The following PLSCR2 variants were observed in gnomAD, a reference collection of about 807,000 sequenced individuals.
PLSCR2 encodes the protein phospholipid scramblase 2, also known as PL scramblase 2.
Under a neutral mutation model 25.3 loss-of-function variants are expected in PLSCR2, and 18 were observed. The ratio of observed to expected loss-of-function variants is 0.71; its 90% CI spans 0.49 to 1.06. The LOEUF is 1.06. PLSCR2 is among the 50% of genes least tolerant of loss of function. The probability of loss-of-function intolerance (pLI) is 0.00; values close to 1 mark genes in which losing one functional copy is unlikely to be tolerated. For missense variants in PLSCR2, 243 were observed against 269.5 expected (o/e 0.90, Z 0.69); for synonymous variants, 88 against 87.3 (o/e 1.01, Z -0.04).
downstream of PLSCR2, among the ~76,000 whole-genome samples, chr3:146,432,419 T>C (rs568479333): frequency 7.9e-5 from 12 of 152,242 alleles, no homozygotes; most frequent in Admixed American, 2.0e-4. Context: ...ATTTAGGACT[T>C]GGTGGGCAAA....
rs576812 is a variant in PLSCR2 at position 146,484,732 on chromosome 3, G to A, written c.-293+11163C>T. 1.1e-3 allele frequency among the ~76,000 whole-genome samples: 164 copies of A among 152,136 alleles called. No individual in the cohort carries two copies. In the Middle Eastern group the frequency reaches 0.027, roughly 25 times the overall value. ...GAGAAATAAAATTCCTTTCAGAGAAGCAAATGCTGAGGGCTATCATTTCCA... is the reference window on the plus strand; with the variant it reads ...GAGAAATAAAATTCCTTTCAGAGAAACAAATGCTGAGGGCTATCATTTCCA... On this transcript the variant is annotated intron_variant, in intron 1 of 8. Transcript: ENST00000336685.
chr3:146,424,768 C>A (rs1220824485), intron 2 of PLSCR2, among the ~76,000 whole-genome samples: 1 of 152,032 alleles, frequency 6.6e-6, no homozygotes, highest in Non-Finnish European at 1.5e-5. Context: ...TCCAGCAGAT[C>A]CACACTGTCT....
downstream of PLSCR2, among the ~76,000 whole-genome samples, chr3:146,437,133 A>T (rs1318846499): frequency 6.6e-6 from 1 of 152,024 alleles, no homozygotes; most frequent in African/African-American, 2.4e-5. Context: ...AGCCCACTAG[A>T]TCATGGTGGA....
chr3:146,404,826 G>GGT (rs2108013737), intron 2 of PLSCR2, among the ~76,000 whole-genome samples: 4 of 150,642 alleles, frequency 2.7e-5, no homozygotes, highest in South Asian at 2.1e-4. Context: ...AAAAAAGGGG[G>GGT]GGGGTGGTGG....
At chr3:146,436,004 T>C (rs1206513078) in intron 8 of PLSCR2, among the ~76,000 whole-genome samples, 5 of 152,244 alleles carry the variant, frequency 3.3e-5, no homozygotes, top group Non-Finnish European at 7.3e-5. Flanking sequence ...TAGCCAGTAT[T>C]TCCAGCACCA....
downstream of PLSCR2, among the ~76,000 whole-genome samples, chr3:146,439,074 C>T (rs1219831561): frequency 6.6e-6 from 1 of 152,166 alleles, no homozygotes; most frequent in Non-Finnish European, 1.5e-5. Context: ...GTTGAAAATT[C>T]TTTTCTTTAA....
rs552861332 is a variant in PLSCR2, at chr3:146,469,489, C to T, written c.-292-9205G>A. 7 of 983,736 alleles carry T rather than the reference C, an allele frequency of 7.1e-6. No individual in the cohort carries two copies. In the African/African-American group the frequency reaches 1.0e-4, roughly 15 times the overall value. The allele number at this position is 983,736 out of a possible 1,614,324, so 60.9% of individuals were successfully genotyped here. On this transcript the variant is annotated intron_variant, in intron 1 of 8. Coordinates refer to the PLSCR2 transcript ENST00000336685. ...AGGGAGGCGACTGAGAAAGCCGCCC[C>T]CTTACCCGTGGCTGCAGCTGCTCCC...
At chr3:146,399,873 A>C (rs115945553) in intron 2 of PLSCR2, among the ~76,000 whole-genome samples, 1,523 of 151,512 alleles carry the variant, frequency 0.01, 19 homozygotes, top group African/African-American at 0.025. Context: ...ACCCATTAAA[A>C]GGTAAAGGAA....
At chr3:146,450,429 T>C (rs1033659109) in intron 5 of PLSCR2, among the ~76,000 whole-genome samples, 4 of 152,228 alleles carry the variant, frequency 2.6e-5, no homozygotes, top group Non-Finnish European at 5.9e-5. Flanking sequence ...TTGCTATGGA[T>C]TATTCTTCAT....
intron 1 of PLSCR2, among the ~76,000 whole-genome samples, chr3:146,485,711 T>C (rs950971597): frequency 6.6e-6 from 1 of 152,104 alleles, no homozygotes; most frequent in Non-Finnish European, 1.5e-5. Context: ...CCTGGGTAAA[T>C]GTATTCATCT....
chr3:146,494,269 A>G (rs57403235), intron 1 of PLSCR2, among the ~76,000 whole-genome samples: 4,226 of 152,284 alleles, frequency 0.028, 223 homozygotes, highest in African/African-American at 0.096. Flanking sequence ...TGAAATTAAA[A>G]CAAATAAGAA....
At chr3:146,434,913 C>T (rs1260937740) in intron 8 of PLSCR2, among the ~76,000 whole-genome samples, 1 of 116,310 alleles carries the variant, frequency 8.6e-6, no homozygotes, top group Non-Finnish European at 1.7e-5. Context: ...TAATGCTATC[C>T]CTCCCCCCTC....
intron 1 of PLSCR2, chr3:146,469,034 C>G (rs1228881801): frequency 4.0e-6 from 3 of 740,940 alleles, no homozygotes; most frequent in East Asian, 2.6e-4. Context: ...CCGCCACTAT[C>G]TTTCCTAAGC....
At chr3:146,399,954 G>A (rs2038408802) in intron 2 of PLSCR2, among the ~76,000 whole-genome samples, 1 of 151,754 alleles carries the variant, frequency 6.6e-6, no homozygotes, top group South Asian at 2.1e-4. Flanking sequence ...CATGGAAAAG[G>A]ACAGAACAAG....
At chr3:146,406,255 G>C (rs551499576) in intron 2 of PLSCR2, among the ~76,000 whole-genome samples, 1 of 152,146 alleles carries the variant, frequency 6.6e-6, no homozygotes, top group Admixed American at 6.5e-5. Flanking sequence ...GACAGCTAGC[G>C]TCAGGGTGAT....
chr3:146,411,094 G>A (rs959583049), intron 2 of PLSCR2, among the ~76,000 whole-genome samples: 4 of 151,484 alleles, frequency 2.6e-5, no homozygotes, highest in African/African-American at 7.3e-5. Context: ...TTTCTTTCCC[G>A]GAGATTCTCC....
intron 2 of PLSCR2, among the ~76,000 whole-genome samples, chr3:146,412,144 G>T (rs972621770): frequency 2.0e-5 from 3 of 152,178 alleles, no homozygotes; most frequent in African/African-American, 7.2e-5. Flanking sequence ...GTAAAAACAA[G>T]GTTGGGCATT....
chr3:146,393,543 G>T (rs577611483), intron 3 of PLSCR2, among the ~76,000 whole-genome samples: 1 of 151,406 alleles, frequency 6.6e-6, no homozygotes, highest in South Asian at 2.1e-4. Context: ...GGGCACAGTG[G>T]CTCACGTCTG....
chr3:146,475,874 G>A (rs1445504767), intron 1 of PLSCR2, among the ~76,000 whole-genome samples: 2 of 152,126 alleles, frequency 1.3e-5, no homozygotes, highest in African/African-American at 2.4e-5. Flanking sequence ...TTCTGGGTAT[G>A]TGCACAGTTC....
Sources: gnomAD v4.1 joint callset for allele counts (sites outside exome capture counted in the v4.1 genomes callset) on GRCh38, gnomAD v4.1.1 for gene constraint, MANE v1.5 for transcripts, NCBI Gene and HGNC (gene_info 2026-07-23, HGNC 2026-07-21) for gene names.